The following NACC1 variants were observed in gnomAD, a reference collection of about 807,000 sequenced individuals.
NACC1 encodes the protein nucleus accumbens associated 1.
NACC1 carries 6 observed loss-of-function variants against 41.7 expected under a neutral mutation model. That is an observed-to-expected ratio of 0.14 (90% CI 0.08 to 0.28). The LOEUF is 0.28. Ranked by LOEUF, NACC1 falls within the 10% of genes least tolerant of loss-of-function variation. NACC1 has a pLI of 1.00. For missense variants in NACC1, 434 were observed against 763.7 expected (o/e 0.57, Z 5.09); for synonymous variants, 338 against 330.6 (o/e 1.02, Z -0.24).
In NACC1 at chr19:13,135,965, T is replaced by A; in HGVS notation, c.758T>A (p.Val253Glu). ...GGGGTGGCAGCAGCAGGGGGTGTGG[T>A]GAGTGGGCCCAGCACGTCGGAGCGG... ...AGGVAAAGGV[V>E]SGPSTSERTS... Residue 253 changes from valine to glutamate, a missense_variant, in exon 2 of 6, where the codon GTG (valine) becomes GAG (glutamate). Physicochemically the swap from Val to Glu is moderately radical, Grantham distance 121. Coordinates refer to ENST00000292431, the MANE Select transcript of NACC1 (RefSeq NM_052876.4). 1 of 1,605,508 alleles carries A rather than the reference T, an allele frequency of 6.2e-7. No homozygotes were observed. The highest frequency in any genetic ancestry group is 2.2e-5 in the East Asian group (1 of 44,560).
chr19:13,125,992 C>A (rs2019556775), intron 1 of NACC1, among the ~76,000 whole-genome samples: 1 of 151,964 alleles, frequency 6.6e-6, no homozygotes, highest in African/African-American at 2.4e-5. Context: ...CCACCTCGGC[C>A]TCCCAAAGTG....
rs933008148 is a variant in NACC1, at chr19:13,135,909, C to T, written c.702C>T (p.Ala234=). ...QAPVVAAAQP[A]VAAGAGQPAG... ...CGGTGGTGGCAGCAGCCCAGCCCGCCGTGGCTGCGGGAGCAGGGCAGCCAG... is the reference window on the plus strand; with the variant it reads ...CGGTGGTGGCAGCAGCCCAGCCCGCTGTGGCTGCGGGAGCAGGGCAGCCAG... The change falls in exon 2 of 6, where the codon GCC becomes GCT. Residue 234 remains alanine, a synonymous_variant. Transcript: ENST00000292431. 8.9e-6 allele frequency: 14 copies of T among 1,568,238 alleles called. No homozygotes were observed. The highest frequency in any genetic ancestry group is 4.7e-5 in the East Asian group (2 of 42,764).
chr19:13,118,520 G>C (rs1248548401), intron 1 of NACC1, 66 bp downstream of exon 1: 13 of 151,308 alleles, frequency 8.6e-5, no homozygotes, highest in Non-Finnish European at 1.2e-4. Flanking sequence ...GGGCTGAGTG[G>C]GGAGGGCCTG....
chr19:13,119,322 G>GGGTCA (rs2019458994), intron 1 of NACC1, among the ~76,000 whole-genome samples: 1 of 151,736 alleles, frequency 6.6e-6, no homozygotes, highest in African/African-American at 2.4e-5. Flanking sequence ...CCTACCCCTT[G>GGGTCA]GGCAAGCCTC....
intron 1 of NACC1, chr19:13,132,228 C>T (rs901600652): frequency 6.6e-6 from 1 of 151,686 alleles, no homozygotes; most frequent in African/African-American, 2.4e-5. Flanking sequence ...CCAGCCTGGC[C>T]TATGTGGTGA....
rs1219482413 is a variant in NACC1 at position 13,118,315 on chromosome 19, G to C, written c.-148G>C. Reference sequence around the variant, plus strand: ...ATGAATGGCCGCCGCGGCTGCCGCTGCTGCTGAGGCGGAGGCCGCGGAGGC... The same window carrying C: ...ATGAATGGCCGCCGCGGCTGCCGCTCCTGCTGAGGCGGAGGCCGCGGAGGC... On this transcript the variant is annotated 5_prime_UTR_variant, in exon 1 of 6. Transcript: ENST00000292431. 6.8e-6 allele frequency: 1 copy of C among 147,570 alleles called. No homozygotes were observed. Among genetic ancestry groups the C allele is most frequent in the African/African-American group, 2.4e-5 (1 of 40,992 alleles). 9.1% of individuals were successfully genotyped at this position (147,570 alleles called of 1,614,324 possible).
rs143045136 is a variant in NACC1 at position 13,136,267 on chromosome 19, C to G, written c.982C>G (p.Pro328Ala). 8.5e-5 allele frequency: 137 copies of G among 1,613,814 alleles called. No individual in the cohort carries two copies. The highest frequency in any genetic ancestry group is 1.2e-4 in the Non-Finnish European group (136 of 1,179,894). ...KVEALPEQVA[P>A]ESRNRIRVRQ... ...GGAGGCCCTCCCGGAGCAGGTAGCCCCCGAGTCCCGAAATCGCATCCGGGT... is the reference window on the plus strand; with the variant it reads ...GGAGGCCCTCCCGGAGCAGGTAGCCGCCGAGTCCCGAAATCGCATCCGGGT... Residue 328 changes from proline to alanine, a missense_variant, in exon 3 of 6, where the codon CCC (proline) becomes GCC (alanine). By Grantham distance (27) the Pro-to-Ala change is conservative. This residue lies in a region of NACC1 where 234 missense variants were observed against 308.3 expected (regional missense o/e 0.76). Transcript: ENST00000292431. This position sits in a 1 kb window ranked among gnomAD's most constrained non-coding sequence, Gnocchi z 5.5.
chr19:13,125,894 G>A (rs1048638850), intron 1 of NACC1, among the ~76,000 whole-genome samples: 1 of 151,698 alleles, frequency 6.6e-6, no homozygotes, highest in African/African-American at 2.4e-5. Context: ...GCACCACTGC[G>A]CCCAGCTAAT....
chr19:13,122,477 C>T (rs1211048629), intron 1 of NACC1, among the ~76,000 whole-genome samples: 1 of 137,106 alleles, frequency 7.3e-6, no homozygotes, highest in African/African-American at 2.7e-5. Context: ...GTCCTACCTC[C>T]GGGGACACTT....
intron 1 of NACC1, among the ~76,000 whole-genome samples, chr19:13,119,559 G>A (rs1005087036): frequency 6.6e-6 from 1 of 152,138 alleles, no homozygotes; most frequent in African/African-American, 2.4e-5. Flanking sequence ...CCTAGTGGAT[G>A]GGACCTCACA....
chr19:13,121,769 T>A (rs2019496806), intron 1 of NACC1, among the ~76,000 whole-genome samples: 1 of 152,184 alleles, frequency 6.6e-6, no homozygotes, highest in South Asian at 2.1e-4. Flanking sequence ...CTCTGCGTCC[T>A]CAGATCCTCC....
intron 1 of NACC1, among the ~76,000 whole-genome samples, chr19:13,120,213 G>C (rs2019471576): frequency 6.6e-6 from 1 of 152,088 alleles, no homozygotes; most frequent in Admixed American, 6.6e-5. Context: ...TTCCCTCCTG[G>C]GAGCCAAGAG....
chr19:13,132,638 C>T (rs2019648035), intron 1 of NACC1, among the ~76,000 whole-genome samples: 1 of 152,048 alleles, frequency 6.6e-6, no homozygotes, highest in African/African-American at 2.4e-5. Flanking sequence ...TGAGTTGGTT[C>T]CTCCATTCGC....
chr19:13,118,904 G>A (rs1328330319), intron 1 of NACC1, among the ~76,000 whole-genome samples: 3 of 150,056 alleles, frequency 2.0e-5, no homozygotes, highest in African/African-American at 4.9e-5. Flanking sequence ...TGCAGGTACC[G>A]CCTGGGCGCT....
chr19:13,118,511 G>A (rs1004065572), intron 1 of NACC1, 57 bp downstream of exon 1: 6 of 151,224 alleles, frequency 4.0e-5, no homozygotes, highest in African/African-American at 1.5e-4. Context: ...GCGGCCCGAG[G>A]GCTGAGTGGG....
At chr19:13,134,247 G>A (rs1458635531) in intron 1 of NACC1, among the ~76,000 whole-genome samples, 1 of 151,962 alleles carries the variant, frequency 6.6e-6, no homozygotes, top group East Asian at 1.9e-4. Flanking sequence ...TTCGTAAGAG[G>A]CAGGGTTTCA....
chr19:13,125,902 A>G (rs2019555470), intron 1 of NACC1, among the ~76,000 whole-genome samples: 2 of 150,612 alleles, frequency 1.3e-5, no homozygotes, highest in Non-Finnish European at 3.0e-5. Context: ...GCGCCCAGCT[A>G]ATTTTTGTAT....
At chr19:13,117,163 G>C (rs1475289098), upstream of NACC1, 1 of 152,234 alleles carries the variant, frequency 6.6e-6, no homozygotes, top group African/African-American at 2.4e-5. Context: ...TTAAATGACA[G>C]ATTCCTGGAA....
rs202137137 is a variant in NACC1 at position 13,135,193 on chromosome 19, C to T, written c.-8-7C>T. ...TGTCTCTCCATTCCTCCCTGCCCCT[C>T]GTGCAGCCGCTGCCATGGCCCAGAC... On this transcript the variant is annotated splice_region_variant and splice_polypyrimidine_tract_variant and intron_variant, in intron 1 of 5. Coordinates refer to ENST00000292431, the MANE Select transcript of NACC1 (RefSeq NM_052876.4). 502 of 1,567,110 alleles carry T rather than the reference C, an allele frequency of 3.2e-4. 1 individual carries two copies. The African/African-American group carries it at 6.0e-3, about 19-fold the overall frequency.
Sources: allele counts gnomAD v4.1 joint callset (sites outside exome capture counted in the v4.1 genomes callset), GRCh38; gene constraint gnomAD v4.1.1; regional missense constraint gnomAD v4.1.1; non-coding constraint Gnocchi (gnomAD v3.1); transcripts MANE v1.5; gene names NCBI Gene and HGNC (gene_info 2026-07-23, HGNC 2026-07-21).